Variants in AGBL4 observed in about 807,000 individuals in gnomAD.
The protein encoded by AGBL4 is cytosolic carboxypeptidase 6.
In AGBL4, 58 loss-of-function variants were observed where a neutral mutation model predicts 66.4. That is an observed-to-expected ratio of 0.87 (90% CI 0.71 to 1.09). AGBL4 has a LOEUF of 1.09. Among genes scored for constraint, AGBL4 ranks in the 50% least tolerant of loss-of-function variants. AGBL4 has a pLI of 0.00. For missense variants in AGBL4, 579 were observed against 631.0 expected (o/e 0.92, Z 0.88); for synonymous variants, 234 against 222.9 (o/e 1.05, Z -0.44).
chr1:48,935,298 C>T (rs78879767), intron 5 of AGBL4, among the ~76,000 whole-genome samples: 3,804 of 152,228 alleles, frequency 0.025, 137 homozygotes, highest in African/African-American at 0.087. Flanking sequence ...CCCTACTCAC[C>T]CCTTCCCTTA....
At chr1:49,528,799 A>C (rs1650869855) in intron 3 of AGBL4, among the ~76,000 whole-genome samples, 1 of 152,106 alleles carries the variant, frequency 6.6e-6, no homozygotes, top group Admixed American at 6.5e-5. Context: ...AGGAAAGAGA[A>C]TGTACAAAGC....
intron 2 of AGBL4, among the ~76,000 whole-genome samples, chr1:49,735,177 A>G (rs115422562): frequency 1.2e-3 from 178 of 152,202 alleles, no homozygotes; most frequent in African/African-American, 4.1e-3. Context: ...ACACAATACC[A>G]AACGTTTTTT....
chr1:49,143,295 A>G (rs1646153837), intron 4 of AGBL4, among the ~76,000 whole-genome samples: 1 of 152,144 alleles, frequency 6.6e-6, no homozygotes, highest in African/African-American at 2.4e-5. Context: ...CTGCTCCTGA[A>G]CAGCTAGGTA....
intron 9 of AGBL4, among the ~76,000 whole-genome samples, chr1:48,610,931 C>CA (rs1289059884): frequency 2.6e-5 from 4 of 152,124 alleles, no homozygotes; most frequent in Admixed American, 2.0e-4. Flanking sequence ...TGGTTGAGGA[C>CA]AAAAAACCAT....
chr1:48,683,818 G>C (rs1482210088), intron 6 of AGBL4, among the ~76,000 whole-genome samples: 1 of 152,164 alleles, frequency 6.6e-6, no homozygotes, highest in East Asian at 1.9e-4. Context: ...CCAGTCAACA[G>C]CTGACTTGTC....
In AGBL4 at chr1:49,000,077, T is replaced by C. The variant is rs369868536; in HGVS notation, c.594+45507A>G. On this transcript the variant is annotated intron_variant, in intron 5 of 13. Coordinates refer to ENST00000371839, the MANE Select transcript of AGBL4 (RefSeq NM_032785.4). ...TTACTATCCCTTACTATGTGCAAAA[T>C]ACTAAGTGCTTTCTAAATATTAGCT... Among the ~76,000 whole-genome samples, 16 of 152,198 alleles carry C rather than the reference T, an allele frequency of 1.1e-4. No homozygotes were observed. In the East Asian group the frequency reaches 1.5e-3, roughly 15 times the overall value.
At chr1:49,948,866 G>A (rs969274830) in intron 1 of AGBL4, among the ~76,000 whole-genome samples, 2 of 151,236 alleles carry the variant, frequency 1.3e-5, no homozygotes, top group East Asian at 1.9e-4. Context: ...AGCCAAAAAC[G>A]AGCCCACCAA....
chr1:49,227,682 T>A (rs1031720821), intron 4 of AGBL4, among the ~76,000 whole-genome samples: 1 of 152,212 alleles, frequency 6.6e-6, no homozygotes, highest in African/African-American at 2.4e-5. Context: ...CTCTTAGGAA[T>A]CAGTTGTATG....
At chr1:49,410,430 G>A (rs1645293099) in intron 3 of AGBL4, among the ~76,000 whole-genome samples, 1 of 152,174 alleles carries the variant, frequency 6.6e-6, no homozygotes, top group Non-Finnish European at 1.5e-5. Context: ...GGGGAAATGT[G>A]CCAAATATGA....
intron 2 of AGBL4, among the ~76,000 whole-genome samples, chr1:49,719,927 T>C (rs1274839953): frequency 3.9e-5 from 6 of 152,122 alleles, no homozygotes; most frequent in African/African-American, 1.4e-4. Context: ...CCACCATGAC[T>C]GTAAGTTTCT....
At chr1:49,356,803 T>C (rs1164218252) in intron 3 of AGBL4, among the ~76,000 whole-genome samples, 2 of 152,182 alleles carry the variant, frequency 1.3e-5, no homozygotes, top group Non-Finnish European at 2.9e-5. Context: ...GTCATTTCCA[T>C]TTAAACAAAA....
chr1:49,293,615 CTT>C (rs1644586211), intron 3 of AGBL4, among the ~76,000 whole-genome samples: 1 of 152,182 alleles, frequency 6.6e-6, no homozygotes, highest in Admixed American at 6.5e-5. Context: ...GTTAATGTCT[CTT>C]TGAGCACTAA....
chr1:48,623,542 C>A (rs971740410), intron 9 of AGBL4, among the ~76,000 whole-genome samples: 1 of 152,240 alleles, frequency 6.6e-6, no homozygotes, highest in Non-Finnish European at 1.5e-5. Context: ...ACAAATTGGG[C>A]ATCTGGCTTA....
chr1:48,714,927 C>T (rs1647025408), intron 6 of AGBL4, among the ~76,000 whole-genome samples: 1 of 152,196 alleles, frequency 6.6e-6, no homozygotes, highest in Admixed American at 6.5e-5. Flanking sequence ...ATTTTCTAGG[C>T]CTTGCTCTTA....
intron 3 of AGBL4, among the ~76,000 whole-genome samples, chr1:49,351,567 G>T (rs528160403): frequency 8.7e-4 from 132 of 152,116 alleles, no homozygotes; most frequent in Middle Eastern, 6.8e-3. Flanking sequence ...TATAAGGTGG[G>T]AATGAGATGA....
chr1:49,639,880 G>T (rs1645748283), intron 3 of AGBL4, among the ~76,000 whole-genome samples: 1 of 152,142 alleles, frequency 6.6e-6, no homozygotes, highest in Non-Finnish European at 1.5e-5. Context: ...ATCCAAAAAG[G>T]GTGGGAAAGG....
intron 5 of AGBL4, among the ~76,000 whole-genome samples, chr1:48,973,094 A>C (rs1336832657): frequency 6.6e-6 from 1 of 152,188 alleles, no homozygotes; most frequent in African/African-American, 2.4e-5. Context: ...TAAAGGTTAC[A>C]GTATAATGCT....
chr1:48,784,377 C>T (rs1370297477), intron 6 of AGBL4, among the ~76,000 whole-genome samples: 3 of 152,052 alleles, frequency 2.0e-5, no homozygotes, highest in African/African-American at 4.8e-5. Flanking sequence ...AATGATAATC[C>T]AACAAGCATC....
chr1:50,010,763 A>G (rs912596916), intron 1 of AGBL4, among the ~76,000 whole-genome samples: 1 of 152,266 alleles, frequency 6.6e-6, no homozygotes, highest in East Asian at 1.9e-4. Flanking sequence ...CTGAATATTT[A>G]TATGCAGAAA....
Sources: gnomAD v4.1 joint callset for allele counts (sites outside exome capture counted in the v4.1 genomes callset) on GRCh38, gnomAD v4.1.1 for gene constraint, MANE v1.5 for transcripts, NCBI Gene and HGNC (gene_info 2026-07-23, HGNC 2026-07-21) for gene names.